CERS5: variants seen among roughly 807,000 people sequenced by gnomAD.
CERS5 encodes the protein ceramide synthase 5.
CERS5 carries 37 observed loss-of-function variants against 58.9 expected under a neutral mutation model. The ratio of observed to expected loss-of-function variants is 0.63; its 90% CI spans 0.48 to 0.83. The LOEUF is 0.83. Ranked by LOEUF, CERS5 falls within the 40% of genes least tolerant of loss-of-function variation. The probability of loss-of-function intolerance (pLI) is 0.00; values close to 1 mark genes in which losing one functional copy is unlikely to be tolerated. For missense variants in CERS5, 398 were observed against 489.3 expected, an observed-to-expected ratio of 0.81 and a Z score of 1.76; for synonymous variants, 147 against 177.8, an observed-to-expected ratio of 0.83 and a Z score of 1.38.
Position 50,135,974 on chromosome 12 carries a change from C to G in CERS5, c.732G>C (p.Met244Ile), listed in dbSNP as rs765883759. Residue 244 changes from methionine (M) to isoleucine (I), a missense_variant, in exon 7 of 10, where the codon ATG becomes ATC. By Grantham distance (10) the Met-to-Ile change is conservative. Transcript: ENST00000317551. ...NNMVRVGTLI[M>I]CLHDVSDFLL... The stretch of plus-strand genomic sequence containing the variant: ...AGAAGTCTGAGACATCATGTAGACA[C>G]ATGATCAGAGTTCCCACTCGAACCA... 4.6e-6 allele frequency: 7 copies of G among 1,529,150 alleles called. No homozygotes were observed. Among genetic ancestry groups the G allele is most frequent in the South Asian group, 4.0e-5 (3 of 74,868 alleles). The allele number at this position is 1,529,150 out of a possible 1,614,324, so 94.7% of individuals were successfully genotyped here.
intron 9 of CERS5, chr12:50,133,104 A>C: frequency 7.8e-7 from 1 of 1,283,324 alleles, no homozygotes; most frequent in South Asian, 1.2e-5. Context: ...AGAGATGTCC[A>C]GTAGCTACAG....
chr12:50,147,892 C>T (rs1952383133), intron 1 of CERS5, among the ~76,000 whole-genome samples: 1 of 152,106 alleles, frequency 6.6e-6, no homozygotes. Flanking sequence ...ATCCTCCCAC[C>T]TCAGCCTCTC....
intron 1 of CERS5, chr12:50,147,368 ACT>A (rs1952343835): frequency 7.1e-6 from 1 of 140,102 alleles, no homozygotes; most frequent in Non-Finnish European, 1.5e-5. Context: ...ACGCCATTGC[ACT>A]CTCTCTGGCC....
intron 1 of CERS5, among the ~76,000 whole-genome samples, chr12:50,159,674 A>G (rs1592438855): frequency 6.6e-6 from 1 of 151,902 alleles, no homozygotes; most frequent in East Asian, 2.0e-4. Context: ...GCTCGCTGCA[A>G]CCTCCACCTC....
chr12:50,156,501 T>A (rs1419271730), intron 1 of CERS5, among the ~76,000 whole-genome samples: 1 of 145,308 alleles, frequency 6.9e-6, no homozygotes, highest in East Asian at 2.0e-4. Context: ...GAGGCTGAGG[T>A]GGGAGGATTG....
At chr12:50,156,564 C>T (rs1938680432) in intron 1 of CERS5, among the ~76,000 whole-genome samples, 1 of 151,084 alleles carries the variant, frequency 6.6e-6, no homozygotes, top group Admixed American at 6.6e-5. Context: ...CATTGCATTC[C>T]AGCGTGGCTG....
chr12:50,162,746 G>A (rs1939444914), intron 1 of CERS5, among the ~76,000 whole-genome samples: 1 of 152,068 alleles, frequency 6.6e-6, no homozygotes, highest in African/African-American at 2.4e-5. Flanking sequence ...TGGGATTATA[G>A]GCACATGCCA....
intron 1 of CERS5, among the ~76,000 whole-genome samples, chr12:50,148,927 A>AAAAAAAT (rs1952489128): frequency 2.1e-5 from 1 of 48,008 alleles, no homozygotes; most frequent in African/African-American, 7.7e-5. Flanking sequence ...AAAAAAAAAA[A>AAAAAAAT]ATATATATAT....
intron 8 of CERS5, chr12:50,135,399 G>A (rs144186279): frequency 1.7e-4 from 85 of 487,184 alleles, no homozygotes; most frequent in African/African-American, 1.0e-3. Flanking sequence ...ACTGAGAATT[G>A]TATCAACAGT....
chr12:50,135,311 GTGT>G (rs1951627290), intron 8 of CERS5: 11 of 25,568 alleles, frequency 4.3e-4, no homozygotes, highest in South Asian at 2.5e-3. Flanking sequence ...AGAGAGGAGT[GTGT>G]GTGTGTGTGT....
At chr12:50,140,568 A>C (rs1425285150) in intron 4 of CERS5, among the ~76,000 whole-genome samples, 3 of 152,154 alleles carry the variant, frequency 2.0e-5, no homozygotes, top group Non-Finnish European at 4.4e-5. Context: ...TACAGGTGTG[A>C]GCAACCTCAT....
rs556709189 is a variant in CERS5, at chr12:50,138,549, A to G, written c.543+18T>C. On this transcript the variant is annotated intron_variant, in intron 5 of 9. Transcript: ENST00000317551. ...ATACACATTCAAGACCCCTATCCTG[A>G]AACGACTCAGATCCTACCTGAAATG... The G allele has an allele frequency of 1.2e-6, 2 of 1,612,070 alleles. No homozygotes were observed. The highest frequency in any genetic ancestry group is 1.7e-6 in the Non-Finnish European group (2 of 1,178,168).
intron 2 of CERS5, 38 bp downstream of exon 2, chr12:50,143,913 CT>C (rs35159808): frequency 0.031 from 38,942 of 1,262,228 alleles, 774 homozygotes; most frequent in Non-Finnish European, 0.036. Flanking sequence ...GGAGCAACGC[CT>C]TATGTGAATA....
At chr12:50,146,825 C>T (rs1343574842) in intron 1 of CERS5, among the ~76,000 whole-genome samples, 2 of 125,104 alleles carry the variant, frequency 1.6e-5, no homozygotes, top group Non-Finnish European at 3.1e-5. Flanking sequence ...CCAGCCTGGG[C>T]GACAAAGTGA....
intron 1 of CERS5, among the ~76,000 whole-genome samples, chr12:50,160,495 G>C (rs753801157): frequency 6.6e-6 from 1 of 152,034 alleles, no homozygotes. Flanking sequence ...GAAGTAATAA[G>C]AGAGAAGAGG....
In CERS5 at chr12:50,147,408, A is replaced by AG. The variant is rs11462525; in HGVS notation, c.198-3352_198-3351insC. 3 of 15,602 alleles carry AG rather than the reference A, an allele frequency of 1.9e-4. No homozygotes were observed. The Admixed American group carries it at 2.4e-3, about 13-fold the overall frequency. 1.0% of individuals were successfully genotyped at this position (15,602 alleles called of 1,614,324 possible). A position where few individuals can be genotyped will look rare whatever the true frequency, so the allele number is the denominator to read the frequency against. On this transcript the variant is annotated intron_variant, in intron 1 of 9. Coordinates refer to ENST00000317551, the MANE Select transcript of CERS5 (RefSeq NM_147190.5). ...GGTAACAGAGCGAGACTCCATCTCC[A>AG]AAAAAAAAAAAAAAAAAAATAGGTA...
At chr12:50,151,926 G>A (rs529423399) in intron 1 of CERS5, among the ~76,000 whole-genome samples, 2 of 152,338 alleles carry the variant, frequency 1.3e-5, no homozygotes, top group African/African-American at 4.8e-5. Context: ...GATTACAGGC[G>A]TGAGTCGCCG....
At chr12:50,144,166 T>G (rs1952134410) in intron 1 of CERS5, 109 bp from the exon 2 acceptor site, 8 of 668,732 alleles carry the variant, frequency 1.2e-5, no homozygotes, top group Non-Finnish European at 2.2e-5. Flanking sequence ...TTTCAATGCA[T>G]GTATACATAG....
In CERS5 at chr12:50,129,841, C is replaced by T. The variant is rs980218343; in HGVS notation, c.*704G>A. The T allele has an allele frequency of 3.9e-5, 6 of 151,980 alleles. No homozygotes were observed. The highest frequency in any genetic ancestry group is 1.5e-4 in the African/African-American group (6 of 41,288). 9.4% of individuals were successfully genotyped at this position (151,980 alleles called of 1,614,324 possible). A position where few individuals can be genotyped will look rare whatever the true frequency, so the allele number is the denominator to read the frequency against. Reference sequence around the variant, plus strand: ...ATCACAAACAAACAATAGTATAAGACCGTGAACAGCTCACCCAGTGGCTGT... The same window carrying T: ...ATCACAAACAAACAATAGTATAAGATCGTGAACAGCTCACCCAGTGGCTGT... On this transcript the variant is annotated 3_prime_UTR_variant, in exon 10 of 10. Coordinates refer to ENST00000317551, the MANE Select transcript of CERS5 (RefSeq NM_147190.5).
Sources: allele counts gnomAD v4.1 joint callset (sites outside exome capture counted in the v4.1 genomes callset), GRCh38; gene constraint gnomAD v4.1.1; transcripts MANE v1.5; gene names NCBI Gene and HGNC (gene_info 2026-07-23, HGNC 2026-07-21).